TRIM14: variants seen among roughly 807,000 people sequenced by gnomAD.
The protein encoded by TRIM14 is tripartite motif containing 14, also known as tripartite motif-containing protein 14.
A neutral mutation model predicts 44.5 loss-of-function variants in TRIM14; 28 were observed. The ratio of observed to expected loss-of-function variants is 0.63; its 90% CI spans 0.47 to 0.86. TRIM14 has a LOEUF of 0.86. Among genes scored for constraint, TRIM14 ranks in the 40% least tolerant of loss-of-function variants. The pLI is 0.00. For missense variants in TRIM14, 607 were observed against 611.1 expected (o/e 0.99, Z 0.07); for synonymous variants, 299 against 269.2 (o/e 1.11, Z -1.08).
the TRIM14 span, among the ~76,000 whole-genome samples, chr9:98,036,174 G>A: frequency 3.0e-3 from 460 of 151,344 alleles, 4 homozygotes; most frequent in Non-Finnish European, 4.9e-3. Context: ...TCCAGCCTGG[G>A]CAACAGAGTG....
At chr9:98,108,179 A>G (rs930527341) in intron 2 of TRIM14, among the ~76,000 whole-genome samples, 1 of 151,564 alleles carries the variant, frequency 6.6e-6, no homozygotes, top group African/African-American at 2.4e-5. Flanking sequence ...TATTTTTGCA[A>G]CTTCCTCTAA....
the TRIM14 span, among the ~76,000 whole-genome samples, chr9:98,052,477 CT>C: frequency 2.1e-5 from 3 of 142,284 alleles, no homozygotes; most frequent in African/African-American, 8.6e-5. Flanking sequence ...AACCATATAG[CT>C]CTTTTTTCTT....
downstream of TRIM14, among the ~76,000 whole-genome samples, chr9:98,083,916 G>C (rs1398273211): frequency 6.6e-6 from 1 of 152,206 alleles, no homozygotes; most frequent in Non-Finnish European, 1.5e-5. Flanking sequence ...TTGTTTACAC[G>C]TAAGTGAGAA....
intron 6 of TRIM14, chr9:98,074,902 G>A (rs1829514310): frequency 1.3e-5 from 2 of 152,076 alleles, no homozygotes; most frequent in Admixed American, 1.3e-4. Context: ...AGAAGGGTAG[G>A]AAAATTAGAT....
At chr9:98,065,398 C>T (rs1391366929), downstream of TRIM14, among the ~76,000 whole-genome samples, 3 of 144,222 alleles carry the variant, frequency 2.1e-5, no homozygotes, top group Non-Finnish European at 4.5e-5. Context: ...CTCACTGCGA[C>T]TTCCGCCTCC....
At position 98,104,832 on chromosome 9, in the gene TRIM14, A is replaced by C. The variant is rs369023356; in HGVS notation, c.304-4668T>G. On this transcript the variant is annotated intron_variant, in intron 2 of 5. Coordinates refer to ENST00000341469, the MANE Select transcript of TRIM14 (RefSeq NM_014788.4). Reference sequence around the variant, plus strand: ...GTGAATCCACCTCTGGGTCCTGTGGAGAGTGAGGAGATGAAAGGAGGGCGC... The same window carrying C: ...GTGAATCCACCTCTGGGTCCTGTGGCGAGTGAGGAGATGAAAGGAGGGCGC... 9.2e-5 allele frequency among the ~76,000 whole-genome samples: 14 copies of C among 152,292 alleles called. No individual in the cohort carries two copies. In the East Asian group the frequency reaches 2.5e-3, roughly 27 times the overall value.
At chr9:98,106,681 CA>C (rs1304525005) in intron 2 of TRIM14, among the ~76,000 whole-genome samples, 1 of 152,180 alleles carries the variant, frequency 6.6e-6, no homozygotes, top group Non-Finnish European at 1.5e-5. Context: ...TGAAAGAAAA[CA>C]GAGATCTAAA....
the TRIM14 span, chr9:98,056,861 C>G: frequency 1.2e-6 from 2 of 1,612,190 alleles, no homozygotes; most frequent in African/African-American, 2.7e-5. Flanking sequence ...GGGCAACACC[C>G]GTGCTTCATC....
Position 98,099,935 on chromosome 9 carries a change from A to G in TRIM14, c.533T>C (p.Leu178Pro). ...GAGCAGTGACCCCAGCATTACCTGAAGCCTCTGGACAGGATCGGGCTCCTG... is the reference window on the plus strand; with the variant it reads ...GAGCAGTGACCCCAGCATTACCTGAGGCCTCTGGACAGGATCGGGCTCCTG... ...ISQEPDPVQR[L>P]QAYTATEQEM... Residue 178 changes from leucine to proline, a missense_variant, in exon 3 of 6, where the codon CTT becomes CCT. Coordinates refer to ENST00000341469, the MANE Select transcript of TRIM14 (RefSeq NM_014788.4). 1 of 1,612,046 alleles carries G rather than the reference A, an allele frequency of 6.2e-7. No homozygotes were observed. Among genetic ancestry groups the G allele is most frequent in the Non-Finnish European group, 8.5e-7 (1 of 1,179,238 alleles).
At chr9:98,080,645 A>T (rs1398975592), downstream of TRIM14, among the ~76,000 whole-genome samples, 5 of 152,228 alleles carry the variant, frequency 3.3e-5, no homozygotes, top group Non-Finnish European at 2.9e-5. Flanking sequence ...AACACTCAGC[A>T]GGTATTATTA....
At chr9:98,056,893 C>A in the TRIM14 span, 2 of 1,611,028 alleles carry the variant, frequency 1.2e-6, no homozygotes, top group Non-Finnish European at 1.7e-6. Flanking sequence ...CGGCCAGAAC[C>A]ACCAGGGCGA....
At chr9:98,112,523 G>A (rs866826279) in intron 1 of TRIM14, among the ~76,000 whole-genome samples, 1 of 152,054 alleles carries the variant, frequency 6.6e-6, no homozygotes, top group South Asian at 2.1e-4. Context: ...GGAAATGGCA[G>A]GGTGTGGTGG....
chr9:98,040,134 G>A, the TRIM14 span, among the ~76,000 whole-genome samples: 3 of 152,048 alleles, frequency 2.0e-5, no homozygotes, highest in Non-Finnish European at 4.4e-5. Context: ...ATGAGCCACT[G>A]TACCCGGCAT....
intron 6 of TRIM14, chr9:98,078,101 G>C: frequency 6.4e-7 from 1 of 1,561,908 alleles, no homozygotes; most frequent in Non-Finnish European, 8.8e-7. Flanking sequence ...GTGGAGTTCA[G>C]TTGAATGATG....
intron 6 of TRIM14, chr9:98,075,533 C>T (rs918152923): frequency 2.6e-5 from 4 of 151,780 alleles, no homozygotes; most frequent in Non-Finnish European, 4.4e-5. Flanking sequence ...GTCGGTCCGT[C>T]GGTCCTAGAC....
intron 4 of TRIM14, among the ~76,000 whole-genome samples, chr9:98,093,357 G>A (rs960575519): frequency 2.0e-5 from 3 of 152,280 alleles, no homozygotes; most frequent in East Asian, 3.9e-4. Context: ...CAAGACATAC[G>A]TGGTGCTTAA....
chr9:98,068,449 T>C (rs1829214288), downstream of TRIM14, among the ~76,000 whole-genome samples: 1 of 152,004 alleles, frequency 6.6e-6, no homozygotes, highest in East Asian at 1.9e-4. Context: ...TTTTTAGCTT[T>C]TTTTTTTCCT....
At chr9:98,084,089 G>C (rs1381458808), downstream of TRIM14, among the ~76,000 whole-genome samples, 1 of 151,156 alleles carries the variant, frequency 6.6e-6, no homozygotes. Context: ...ACTGGAGGGA[G>C]CTGTGATGTG....
At chr9:98,110,341 G>A (rs1445064849) in intron 1 of TRIM14, 1 of 272,840 alleles carries the variant, frequency 3.7e-6, no homozygotes, top group Non-Finnish European at 7.1e-6. Flanking sequence ...AGTATTAACT[G>A]AGCACCTATT....
Sources: allele counts gnomAD v4.1 joint callset (sites outside exome capture counted in the v4.1 genomes callset), GRCh38; gene constraint gnomAD v4.1.1; transcripts MANE v1.5; gene names NCBI Gene and HGNC (gene_info 2026-07-23, HGNC 2026-07-21).